The following SPG11 variants were observed in gnomAD, a reference collection of about 807,000 sequenced individuals.
The protein encoded by SPG11 is SPG11 vesicle trafficking associated, spatacsin.
In SPG11, 222 loss-of-function variants were observed where a neutral mutation model predicts 274.0. That is an observed-to-expected ratio of 0.81 (90% CI 0.73 to 0.91). SPG11 has a LOEUF of 0.91. SPG11 is among the 40% of genes least tolerant of loss of function. The pLI is 0.00. For synonymous variants in SPG11, 1,144 were observed against 1,039.7 expected, an observed-to-expected ratio of 1.10 and a Z score of -1.93; for missense variants, 3,114 against 2,872.7, an observed-to-expected ratio of 1.08 and a Z score of -1.92.
chr15:44,567,694 G>A (rs2082338602), intron 35 of SPG11, 102 bp from the exon 36 acceptor site: 1 of 1,203,304 alleles, frequency 8.3e-7, no homozygotes, highest in Non-Finnish European at 1.2e-6. Context: ...AAACTCCCAA[G>A]AAGAAGAGGA....
intron 20 of SPG11, among the ~76,000 whole-genome samples, chr15:44,604,876 C>T (rs1443644038): frequency 7.8e-6 from 1 of 128,724 alleles, no homozygotes; most frequent in Admixed American, 1.0e-4. Context: ...TGCAGCGAGC[C>T]GAGATCGAGA....
At chr15:44,565,187 T>TAACCTGAGTGTGCC (rs1375678917) in intron 38 of SPG11, among the ~76,000 whole-genome samples, 3 of 152,238 alleles carry the variant, frequency 2.0e-5, no homozygotes, top group Admixed American at 1.3e-4. Context: ...CTTGCTGTAC[T>TAACCTGAGTGTGCC]AACCTGAGTG....
intron 23 of SPG11, 125 bp from the exon 24 acceptor site, chr15:44,597,068 A>C: frequency 1.2e-6 from 1 of 847,336 alleles, no homozygotes; most frequent in Admixed American, 2.6e-5. Flanking sequence ...ATTCTCCAAC[A>C]AATACTAAAT....
At chr15:44,632,331 A>T (rs1052476398) in intron 8 of SPG11, among the ~76,000 whole-genome samples, 4 of 152,140 alleles carry the variant, frequency 2.6e-5, no homozygotes, top group African/African-American at 9.7e-5. Context: ...ACACCAAAAC[A>T]ATGGTTTCCA....
rs1440751628 is a variant in SPG11 at position 44,622,856 on chromosome 15, A to G, written c.2245-57T>C. On this transcript the variant is annotated intron_variant, in intron 11 of 39. Coordinates refer to ENST00000261866, the MANE Select transcript of SPG11 (RefSeq NM_025137.4). ...ACATTTTGTAATGGAACTATTTTGA[A>G]CATAAATATGTGTTAGATACAGAAA... 3.2e-6 allele frequency: 4 copies of G among 1,250,338 alleles called. No individual in the cohort carries two copies. The African/African-American group carries it at 5.9e-5, about 18-fold the overall frequency. The allele number at this position is 1,250,338 out of a possible 1,614,324, so 77.5% of individuals were successfully genotyped here.
At chr15:44,629,850 C>T (rs1046247558) in intron 8 of SPG11, among the ~76,000 whole-genome samples, 1 of 151,534 alleles carries the variant, frequency 6.6e-6, no homozygotes, top group African/African-American at 2.4e-5. Context: ...GCAAGCAGAT[C>T]ACTTGAGGTC....
rs2082845169 is a variant in SPG11, at chr15:44,589,361, C to T, written c.4797G>A (p.Glu1599=). ...GCTTCAAAAGGAAACACACCTGATC[C>T]TCCAGCCACATGGCAGGGATGACAG... The part of the protein sequence containing the change: ...VHPVIPAMWL[E]DQVCFLLKLM... Residue 1599 remains glutamate, a synonymous_variant, in exon 28 of 40, where the codon GAG becomes GAA. Transcript: ENST00000261866. 6.2e-7 allele frequency: 1 copy of T among 1,614,064 alleles called. No individual in the cohort carries two copies.
At chr15:44,602,761 C>A (rs2083228530) in intron 20 of SPG11, among the ~76,000 whole-genome samples, 1 of 152,088 alleles carries the variant, frequency 6.6e-6, no homozygotes, top group Non-Finnish European at 1.5e-5. Flanking sequence ...GGATTATAGG[C>A]ATGAGTCACC....
intron 24 of SPG11, 35 bp from the exon 25 acceptor site, chr15:44,596,390 A>G: frequency 1.9e-6 from 3 of 1,612,214 alleles, no homozygotes; most frequent in Non-Finnish European, 2.5e-6. Context: ...ACAGAAACCC[A>G]ACTTTCAGTT....
chr15:44,631,476 A>C (rs956874044), intron 8 of SPG11, among the ~76,000 whole-genome samples: 6 of 152,220 alleles, frequency 3.9e-5, no homozygotes, highest in Non-Finnish European at 8.8e-5. Flanking sequence ...TAATTTCATA[A>C]CATGGAAAAG....
chr15:44,591,832 G>T (rs999393044), intron 27 of SPG11, among the ~76,000 whole-genome samples: 3 of 151,886 alleles, frequency 2.0e-5, no homozygotes, highest in Non-Finnish European at 4.4e-5. Context: ...AAAAATGATC[G>T]GGTGCAGTGG....
intron 4 of SPG11, 149 bp from the exon 5 acceptor site, chr15:44,652,415 T>C: frequency 1.2e-6 from 1 of 840,494 alleles, no homozygotes; most frequent in Non-Finnish European, 1.9e-6. Flanking sequence ...CCCTTGCTTA[T>C]GTCACAGTAA....
At chr15:44,648,511 T>TAAA (rs1468450008) in intron 7 of SPG11, among the ~76,000 whole-genome samples, 2 of 112,700 alleles carry the variant, frequency 1.8e-5, no homozygotes, top group Admixed American at 9.6e-5. Flanking sequence ...ACACCCTGTG[T>TAAA]CAAAAAAAAA....
chr15:44,587,543 AG>A (rs1217476585), intron 28 of SPG11, among the ~76,000 whole-genome samples: 2 of 151,968 alleles, frequency 1.3e-5, no homozygotes, highest in African/African-American at 4.8e-5. Flanking sequence ...TACAAAAATT[AG>A]CCAGGTGTGG....
chr15:44,663,083 G>C (rs1490965574), intron 1 of SPG11, among the ~76,000 whole-genome samples: 1 of 152,268 alleles, frequency 6.6e-6, no homozygotes, highest in East Asian at 1.9e-4. Flanking sequence ...GTTGAATAAT[G>C]AAAGAATCAG....
chr15:44,584,386 C>T lies in SPG11; in HGVS notation c.5294G>A (p.Gly1765Glu). The T allele has an allele frequency of 6.2e-7, 1 of 1,613,906 alleles. No individual in the cohort carries two copies. Residue 1765 changes from glycine to glutamate, a missense_variant, in exon 30 of 40, where the codon GGA becomes GAA. Transcript: ENST00000261866. The part of the protein sequence containing the change: ...QAHVACEHPT[G>E]WSSMEERHLL... ...ATGGCGCTCCTCCATGCTGCTCCATCCAGTTGGGTGCTCACATGCCACATG... is the reference window on the plus strand; with the variant it reads ...ATGGCGCTCCTCCATGCTGCTCCATTCAGTTGGGTGCTCACATGCCACATG...
intron 1 of SPG11, among the ~76,000 whole-genome samples, chr15:44,661,570 A>G (rs1015971293): frequency 6.6e-5 from 10 of 152,070 alleles, no homozygotes; most frequent in Non-Finnish European, 2.9e-5. Flanking sequence ...ATTTTATACT[A>G]CTATAGTAGT....
chr15:44,590,845 C>G (rs1432959949), intron 27 of SPG11: 1 of 152,190 alleles, frequency 6.6e-6, no homozygotes, highest in Non-Finnish European at 1.5e-5. Context: ...TGGCTGAATA[C>G]TTCCTGTATA....
At position 44,573,156 on chromosome 15, in the gene SPG11, T is replaced by C. The variant is rs368353153; in HGVS notation, c.6206-336A>G. Among the ~76,000 whole-genome samples, 14 of 151,906 alleles carry C rather than the reference T, an allele frequency of 9.2e-5. No individual in the cohort carries two copies. The East Asian group carries it at 1.9e-3, about 21-fold the overall frequency. On this transcript the variant is annotated intron_variant, in intron 32 of 39. Coordinates refer to ENST00000261866, the MANE Select transcript of SPG11 (RefSeq NM_025137.4). ...TGCCCGCCAACACGCCCGGCTACTT[T>C]TTTGTATTTTTAGTAGAGGCGGGTT...
Sources: allele counts gnomAD v4.1 joint callset (sites outside exome capture counted in the v4.1 genomes callset), GRCh38; gene constraint gnomAD v4.1.1; transcripts MANE v1.5; gene names NCBI Gene and HGNC (gene_info 2026-07-23, HGNC 2026-07-21).